The following PARD3B variants were observed in gnomAD, a reference collection of about 807,000 sequenced individuals.
PARD3B encodes par-3 family cell polarity regulator beta.
In PARD3B, 103 loss-of-function variants were observed where a neutral mutation model predicts 130.2. That is an observed-to-expected ratio of 0.79 (90% CI 0.67 to 0.93). PARD3B has a LOEUF of 0.93. Among genes scored for constraint, PARD3B ranks in the 40% least tolerant of loss-of-function variants. PARD3B has a pLI of 0.00. For synonymous variants in PARD3B, 583 were observed against 553.2 expected (o/e 1.05, Z -0.76); for missense variants, 1,609 against 1,499.2 (o/e 1.07, Z -1.21).
intron 1 of PARD3B, among the ~76,000 whole-genome samples, chr2:204,566,218 C>G (rs146979855): frequency 6.6e-6 from 1 of 152,336 alleles, no homozygotes; most frequent in African/African-American, 2.4e-5. Context: ...AATCTTCAAT[C>G]AGCATCAGCA....
Position 205,300,418 on chromosome 2 carries a change from C to A in PARD3B, c.2186-112C>A. The A allele has an allele frequency of 6.1e-6, 6 of 990,600 alleles. No individual in the cohort carries two copies. The highest frequency in any genetic ancestry group is 3.4e-4 in the Middle Eastern group (1 of 2,970). The allele number at this position is 990,600 out of a possible 1,614,324, so 61.4% of individuals were successfully genotyped here. A position where few individuals can be genotyped will look rare whatever the true frequency, so the allele number is the denominator to read the frequency against. ...GCTGGAGTATAACCCCAACTCCCAC[C>A]CACTTAACACCCCTTTTTTGGGATG... On this transcript the variant is annotated intron_variant, in intron 16 of 22. Transcript: ENST00000406610. The surrounding 1 kb of genome is among the most constrained non-coding windows in gnomAD (Gnocchi z 4.1).
In PARD3B at chr2:204,680,913, C is replaced by T. The variant is rs960668549; in HGVS notation, c.121-5268C>T. Among the ~76,000 whole-genome samples the T allele has an allele frequency of 1.2e-4, 19 of 152,102 alleles. No homozygotes were observed. In the South Asian group the frequency reaches 1.5e-3, roughly 12 times the overall value. ...CTTATAAAGTATGTTCTAATCTTTT[C>T]GGTTACACTATTTGTGTGTGTGTGT... On this transcript the variant is annotated intron_variant, in intron 1 of 22. Transcript: ENST00000406610.
chr2:205,528,545 G>T (rs1245544762), intron 21 of PARD3B, among the ~76,000 whole-genome samples: 1 of 151,328 alleles, frequency 6.6e-6, no homozygotes, highest in Non-Finnish European at 1.5e-5. Flanking sequence ...AGGCTGGAGT[G>T]CAGTGGCACA....
At position 204,674,510 on chromosome 2, in the gene PARD3B, A is replaced by C. The variant is rs144356578; in HGVS notation, c.121-11671A>C. Among the ~76,000 whole-genome samples the C allele has an allele frequency of 4.5e-3, 554 of 123,108 alleles. 3 individuals are homozygous for C. Among genetic ancestry groups the C allele is most frequent in the Middle Eastern group, 0.013 (2 of 158 alleles). The allele number at this position is 123,108 out of a possible 152,430, so 80.8% of individuals were successfully genotyped here. ...TACTGCCACACTGAAAAGAAGTTTT[A>C]TAAACAGTGTGGGAGGGGGGTGGGT... is the stretch of plus-strand genomic sequence containing the variant. On this transcript the variant is annotated intron_variant, in intron 1 of 22. Transcript: ENST00000406610.
chr2:204,619,309 G>T (rs2034215787), intron 1 of PARD3B, among the ~76,000 whole-genome samples: 1 of 152,128 alleles, frequency 6.6e-6, no homozygotes, highest in Non-Finnish European at 1.5e-5. Context: ...GGTTTCAGGA[G>T]AATTAATTGG....
At chr2:205,138,366 C>G (rs2032669108) in intron 10 of PARD3B, among the ~76,000 whole-genome samples, 1 of 152,108 alleles carries the variant, frequency 6.6e-6, no homozygotes, top group African/African-American at 2.4e-5. Context: ...CTCTCTTATG[C>G]TGGACACCAG....
rs1187994669 is a variant in PARD3B, at chr2:205,241,509, C to T, written c.2141-4269C>T. 2.6e-5 allele frequency among the ~76,000 whole-genome samples: 4 copies of T among 152,010 alleles called. No individual in the cohort carries two copies. Among genetic ancestry groups the T allele is most frequent in the African/African-American group, 9.7e-5 (4 of 41,402 alleles). On this transcript the variant is annotated intron_variant, in intron 15 of 22. Coordinates refer to ENST00000406610, the MANE Select transcript of PARD3B (RefSeq NM_001302769.2). This position sits in a 1 kb window ranked among gnomAD's most constrained non-coding sequence, Gnocchi z 4.2. ...AATATCCATTTACGATAATCAAGAG[C>T]AAGTAGTACCAGTCCTTGGGTAAAA...
chr2:204,982,339 TACTCACCCTGTTTTCTCCA>T (rs1692744454), intron 3 of PARD3B, among the ~76,000 whole-genome samples: 1 of 152,170 alleles, frequency 6.6e-6, no homozygotes, highest in Non-Finnish European at 1.5e-5. Flanking sequence ...TTCAAGGAGC[TACTCACCCTGTTTTCTCCA>T]ACTCACAGAC....
rs2041606818 is a variant in PARD3B at position 205,291,514 on chromosome 2, G to A, written c.2186-9016G>A. Among the ~76,000 whole-genome samples the A allele has an allele frequency of 6.6e-6, 1 of 152,198 alleles. No homozygotes were observed. The highest frequency in any genetic ancestry group is 6.5e-5 in the Admixed American group (1 of 15,280). On this transcript the variant is annotated intron_variant, in intron 16 of 22. Coordinates refer to ENST00000406610, the MANE Select transcript of PARD3B (RefSeq NM_001302769.2). The surrounding 1 kb of genome is among the most constrained non-coding windows in gnomAD (Gnocchi z 4.6). ...GAAGTGTGTTGTTCTGGTGTATTAT[G>A]GAAGGTAGAACTTGTAAGTGATGAA...
intron 2 of PARD3B, among the ~76,000 whole-genome samples, chr2:204,803,214 T>A (rs1190283763): frequency 6.7e-6 from 1 of 148,966 alleles, no homozygotes; most frequent in Non-Finnish European, 1.5e-5. Context: ...AAAAGTATCC[T>A]TCAAACATGA....
At chr2:204,638,240 A>G (rs1355572150) in intron 1 of PARD3B, among the ~76,000 whole-genome samples, 1 of 152,216 alleles carries the variant, frequency 6.6e-6, no homozygotes, top group Non-Finnish European at 1.5e-5. Flanking sequence ...ACTGAGTATT[A>G]GCCACATATG....
rs1255673904 is a variant in PARD3B, at chr2:204,669,717, A to C, written c.121-16464A>C. Among the ~76,000 whole-genome samples the C allele has an allele frequency of 6.6e-6, 1 of 152,184 alleles. No individual in the cohort carries two copies. The highest frequency in any genetic ancestry group is 2.4e-5 in the African/African-American group (1 of 41,450). The stretch of plus-strand genomic sequence containing the variant: ...GTTATCATTACAGAAAAGAATGTAA[A>C]TATTTGCAACTTCAGTAGCATAAAA... On this transcript the variant is annotated intron_variant, in intron 1 of 22. Transcript: ENST00000406610. This position sits in a 1 kb window ranked among gnomAD's most constrained non-coding sequence, Gnocchi z 4.3.
intron 15 of PARD3B, among the ~76,000 whole-genome samples, chr2:205,206,128 A>T (rs1015519585): frequency 6.7e-6 from 1 of 150,060 alleles, no homozygotes; most frequent in Non-Finnish European, 1.5e-5. Context: ...TTTCATAAAG[A>T]CAGATATGAA....
chr2:204,953,908 G>A lies in PARD3B; in HGVS notation c.223-11244G>A, dbSNP rs184642084. Among the ~76,000 whole-genome samples, 659 of 152,174 alleles carry A rather than the reference G, an allele frequency of 4.3e-3. 4 individuals are homozygous for A. The highest frequency in any genetic ancestry group is 7.1e-3 in the Non-Finnish European group (484 of 68,010). Reference sequence around the variant, plus strand: ...AAATTTATAAATCTAAAACTAACTCGCAAAGACTGTCTATGATTAGAGACA... The same window carrying A: ...AAATTTATAAATCTAAAACTAACTCACAAAGACTGTCTATGATTAGAGACA... On this transcript the variant is annotated intron_variant, in intron 2 of 22. Transcript: ENST00000406610.
intron 3 of PARD3B, among the ~76,000 whole-genome samples, chr2:204,971,268 C>T (rs896374261): frequency 6.6e-6 from 1 of 152,096 alleles, no homozygotes; most frequent in South Asian, 2.1e-4. Context: ...GCTGCTGTGC[C>T]CATAATGTGA....
At chr2:204,637,029 T>C (rs2125148109) in intron 1 of PARD3B, among the ~76,000 whole-genome samples, 1 of 152,336 alleles carries the variant, frequency 6.6e-6, no homozygotes, top group African/African-American at 2.4e-5. Context: ...TTCTAAAACT[T>C]TGGAAAATAA....
Position 204,877,506 on chromosome 2 carries a change from C to T in PARD3B, c.223-87646C>T, listed in dbSNP as rs956626611. Reference sequence around the variant, plus strand: ...TATGTGTGCCTGACTGCCAGACTAGCGTATGTGCAGTTTTTGATAACTATA... The same window carrying T: ...TATGTGTGCCTGACTGCCAGACTAGTGTATGTGCAGTTTTTGATAACTATA... On this transcript the variant is annotated intron_variant, in intron 2 of 22. Coordinates refer to ENST00000406610, the MANE Select transcript of PARD3B (RefSeq NM_001302769.2). Among the ~76,000 whole-genome samples, 26 of 152,136 alleles carry T rather than the reference C, an allele frequency of 1.7e-4. 1 individual carries two copies. Among genetic ancestry groups the T allele is most frequent in the African/African-American group, 5.1e-4 (21 of 41,434 alleles).
At chr2:205,380,175 A>AATATGTAAAGAATATAAT (rs2045269206) in intron 18 of PARD3B, among the ~76,000 whole-genome samples, 1 of 36,742 alleles carries the variant, frequency 2.7e-5, no homozygotes, top group South Asian at 2.1e-3. Flanking sequence ...TATATTATAT[A>AATATGTAAAGAATATAAT]ATATGTAAAG....
At chr2:204,981,737 TAA>T (rs1482112318) in intron 3 of PARD3B, among the ~76,000 whole-genome samples, 2 of 152,104 alleles carry the variant, frequency 1.3e-5, no homozygotes, top group East Asian at 3.9e-4. Flanking sequence ...TAGAAACTGA[TAA>T]AAAGTTTTGG....
Sources: gnomAD v4.1 joint callset for allele counts (sites outside exome capture counted in the v4.1 genomes callset) on GRCh38, gnomAD v4.1.1 for gene constraint, Gnocchi (gnomAD v3.1) non-coding constraint, MANE v1.5 for transcripts, NCBI Gene and HGNC (gene_info 2026-07-23, HGNC 2026-07-21) for gene names.